Variants in TTLL11 observed in about 807,000 individuals in gnomAD.
TTLL11 encodes tubulin tyrosine ligase like 11, also known as tubulin polyglutamylase TTLL11.
A neutral mutation model predicts 51.7 loss-of-function variants in TTLL11; 42 were observed. The ratio of observed to expected loss-of-function variants is 0.81; its 90% CI spans 0.64 to 1.05. TTLL11 has a LOEUF of 1.05. TTLL11 is among the 50% of genes least tolerant of loss of function. TTLL11 has a pLI of 0.00. For missense variants in TTLL11, 799 were observed against 940.4 expected (o/e 0.85, Z 1.97); for synonymous variants, 381 against 383.5 (o/e 0.99, Z 0.08).
intron 3 of TTLL11, among the ~76,000 whole-genome samples, chr9:122,001,135 G>A (rs55643365): frequency 0.047 from 7,139 of 152,128 alleles, 198 homozygotes; most frequent in African/African-American, 0.087. Context: ...CTCACTCGTC[G>A]CCCAGGCTGG....
chr9:122,081,937 AGACAAAT>A (rs1846012531), intron 1 of TTLL11, among the ~76,000 whole-genome samples: 1 of 152,268 alleles, frequency 6.6e-6, no homozygotes, highest in African/African-American at 2.4e-5. Context: ...AGATGAAGCA[AGACAAAT>A]GACAAATTAA....
At chr9:122,065,149 C>G (rs1377322498) in intron 1 of TTLL11, among the ~76,000 whole-genome samples, 2 of 152,094 alleles carry the variant, frequency 1.3e-5, no homozygotes, top group Non-Finnish European at 2.9e-5. Context: ...AACAAATGCC[C>G]CAGGTGATTC....
At chr9:121,975,380 T>C (rs1779380495) in intron 4 of TTLL11, among the ~76,000 whole-genome samples, 2 of 152,176 alleles carry the variant, frequency 1.3e-5, no homozygotes, top group African/African-American at 2.4e-5. Flanking sequence ...TTTGCAAACC[T>C]GAGGTATACA....
chr9:121,931,036 G>A (rs577881064), intron 6 of TTLL11, among the ~76,000 whole-genome samples: 13 of 152,256 alleles, frequency 8.5e-5, no homozygotes, highest in Non-Finnish European at 1.6e-4. Context: ...TTAATTACTC[G>A]TTTCACTTTA....
At chr9:121,930,378 T>G (rs1287788508) in intron 6 of TTLL11, among the ~76,000 whole-genome samples, 2 of 152,224 alleles carry the variant, frequency 1.3e-5, no homozygotes, top group Non-Finnish European at 1.5e-5. Context: ...GTTTGAAGCC[T>G]TAAGGGAGTA....
intron 6 of TTLL11, among the ~76,000 whole-genome samples, chr9:121,971,235 C>T (rs1842553533): frequency 1.0e-5 from 1 of 99,688 alleles, no homozygotes; most frequent in African/African-American, 3.3e-5. Flanking sequence ...GCCCCCCGCC[C>T]GGCCAGCCGC....
rs150372226 is a variant in TTLL11 at position 121,967,210 on chromosome 9, ATTTTTTTTTTTTTTT to A, written c.1481+6784_1481+6798del. ...TCTGTCAGTGATGCTTCAGCGGGAG[ATTTTTTTTTTTTTTT>A]TTTTTTTTTTTTTTTTTTGAGAGGA... On this transcript the variant is annotated intron_variant, in intron 6 of 8. Coordinates refer to ENST00000321582, the MANE Select transcript of TTLL11 (RefSeq NM_001139442.2). 6.5e-4 allele frequency among the ~76,000 whole-genome samples: 41 copies of A among 63,024 alleles called. 1 individual carries two copies. Among genetic ancestry groups the A allele is most frequent in the South Asian group, 2.6e-3 (3 of 1,138 alleles). 41.3% of individuals were successfully genotyped at this position (63,024 alleles called of 152,430 possible). A position where few individuals can be genotyped will look rare whatever the true frequency, so the allele number is the denominator to read the frequency against.
chr9:122,086,450 T>C (rs571529735), intron 1 of TTLL11, among the ~76,000 whole-genome samples: 28 of 152,282 alleles, frequency 1.8e-4, no homozygotes, highest in Non-Finnish European at 3.5e-4. Context: ...TTTTTTTAAA[T>C]GGGCAGTAAG....
chr9:121,938,084 T>C (rs1841298880), intron 6 of TTLL11, among the ~76,000 whole-genome samples: 1 of 151,916 alleles, frequency 6.6e-6, no homozygotes, highest in South Asian at 2.1e-4. Context: ...GGTCAAGAGA[T>C]CAAGACCATC....
intron 6 of TTLL11, among the ~76,000 whole-genome samples, chr9:121,946,358 G>C (rs1002191571): frequency 3.9e-5 from 6 of 152,052 alleles, no homozygotes; most frequent in Admixed American, 3.9e-4. Flanking sequence ...CCCTTCCCCT[G>C]GCATGACCTC....
At position 121,967,210 on chromosome 9, in the gene TTLL11, ATTTTTTTTTT is replaced by A. The variant is rs150372226; in HGVS notation, c.1481+6789_1481+6798del. 4.0e-4 allele frequency among the ~76,000 whole-genome samples: 25 copies of A among 63,026 alleles called. 1 individual carries two copies. Among genetic ancestry groups the A allele is most frequent in the African/African-American group, 9.6e-4 (18 of 18,848 alleles). The allele number at this position is 63,026 out of a possible 152,430, so 41.3% of individuals were successfully genotyped here. ...TCTGTCAGTGATGCTTCAGCGGGAG[ATTTTTTTTTT>A]TTTTTTTTTTTTTTTTTTTTTTTGA... is the stretch of plus-strand genomic sequence containing the variant. On this transcript the variant is annotated intron_variant, in intron 6 of 8. Coordinates refer to ENST00000321582, the MANE Select transcript of TTLL11 (RefSeq NM_001139442.2).
intron 1 of TTLL11, among the ~76,000 whole-genome samples, chr9:122,049,009 G>GA (rs760469977): frequency 0.019 from 2,637 of 137,918 alleles, 55 homozygotes; most frequent in African/African-American, 0.063. Flanking sequence ...ATTCGTGCCA[G>GA]AAAAAAAAAA....
intron 3 of TTLL11, among the ~76,000 whole-genome samples, chr9:122,009,660 G>A (rs1252460743): frequency 6.6e-6 from 1 of 151,408 alleles, no homozygotes; most frequent in African/African-American, 2.4e-5. Flanking sequence ...ACTGTCCAGA[G>A]AAGAATGAAT....
chr9:122,087,946 A>T (rs1477754711), intron 1 of TTLL11, among the ~76,000 whole-genome samples: 8 of 152,192 alleles, frequency 5.3e-5, no homozygotes, highest in Admixed American at 5.2e-4. Context: ...AACATCTGTG[A>T]TCCTTCCCTT....
intron 1 of TTLL11, among the ~76,000 whole-genome samples, chr9:122,053,173 G>A (rs1289126493): frequency 5.9e-5 from 9 of 152,172 alleles, no homozygotes; most frequent in Non-Finnish European, 4.4e-5. Flanking sequence ...GAATCCAGGA[G>A]CCGGGTCGGG....
At chr9:121,913,628 T>C (rs1213023806) in intron 6 of TTLL11, among the ~76,000 whole-genome samples, 1 of 152,226 alleles carries the variant, frequency 6.6e-6, no homozygotes, top group Non-Finnish European at 1.5e-5. Context: ...AACATCTGTC[T>C]AGGACTGTGT....
chr9:122,004,412 C>T (rs947256932), intron 3 of TTLL11, among the ~76,000 whole-genome samples: 2 of 151,440 alleles, frequency 1.3e-5, no homozygotes, highest in Non-Finnish European at 2.9e-5. Flanking sequence ...TGCAATGGTG[C>T]GATCTCTGTT....
At chr9:122,025,707 T>C (rs147625421) in intron 3 of TTLL11, among the ~76,000 whole-genome samples, 56 of 152,334 alleles carry the variant, frequency 3.7e-4, no homozygotes, top group African/African-American at 1.3e-3. Flanking sequence ...GATGGGATGA[T>C]AAAATGACAC....
At chr9:121,878,916 T>C (rs964517634) in intron 6 of TTLL11, among the ~76,000 whole-genome samples, 1 of 152,132 alleles carries the variant, frequency 6.6e-6, no homozygotes, top group Non-Finnish European at 1.5e-5. Context: ...GGGCTGGTGG[T>C]GCAGGGGGTC....
Sources: gnomAD v4.1 joint callset for allele counts (sites outside exome capture counted in the v4.1 genomes callset) on GRCh38, gnomAD v4.1.1 for gene constraint, MANE v1.5 for transcripts, NCBI Gene and HGNC (gene_info 2026-07-23, HGNC 2026-07-21) for gene names.